HEATR5A: variants seen among roughly 807,000 people sequenced by gnomAD.
HEATR5A encodes HEAT repeat containing 5A, also known as HEAT repeat-containing protein 5A.
In HEATR5A, 178 loss-of-function variants were observed where a neutral mutation model predicts 218.8. That is an observed-to-expected ratio of 0.81 (90% CI 0.72 to 0.92). HEATR5A has a LOEUF of 0.92. HEATR5A is among the 40% of genes least tolerant of loss of function. The pLI, the probability that HEATR5A is intolerant of heterozygous loss-of-function variation, is 0.00. For synonymous variants in HEATR5A, 864 were observed against 871.6 expected (o/e 0.99, Z 0.15); for missense variants, 2,420 against 2,418.9 (o/e 1.00, Z -0.01).
Position 31,306,742 on chromosome 14 carries a change from T to TC in HEATR5A, c.4955dup (p.Ser1653LysfsTer5), listed in dbSNP as rs1221986967. The TC allele has an allele frequency of 3.7e-6, 6 of 1,609,702 alleles. No individual in the cohort carries two copies. Among genetic ancestry groups the TC allele is most frequent in the Non-Finnish European group, 4.2e-6 (5 of 1,177,652 alleles). On this transcript the variant is annotated frameshift_variant, in exon 31 of 36. Coordinates refer to ENST00000543095, the MANE Select transcript of HEATR5A (RefSeq NM_015473.4). LOFTEE classifies it high-confidence loss of function. ...AAGGTTAACATTTACCTTCTGCACTTCGTCTTTTTTCCTTCACATGTTCTT... is the reference window on the plus strand; with the variant it reads ...AAGGTTAACATTTACCTTCTGCACTTCCGTCTTTTTTCCTTCACATGTTCTT...
intron 25 of HEATR5A, among the ~76,000 whole-genome samples, chr14:31,318,548 T>C (rs1230465864): frequency 6.6e-6 from 1 of 152,172 alleles, no homozygotes; most frequent in African/African-American, 2.4e-5. Flanking sequence ...TGGAGTGCAG[T>C]GGCGCAATCT....
chr14:31,344,630 T>C (rs1236053493), intron 20 of HEATR5A, among the ~76,000 whole-genome samples: 1 of 151,206 alleles, frequency 6.6e-6, no homozygotes, highest in East Asian at 1.9e-4. Context: ...CACAAATTAT[T>C]AGGCAAAGAA....
At chr14:31,385,561 G>A (rs77661744) in intron 9 of HEATR5A, among the ~76,000 whole-genome samples, 3,479 of 152,148 alleles carry the variant, frequency 0.023, 125 homozygotes, top group African/African-American at 0.079. Flanking sequence ...ATTCATGGTC[G>A]TCAGGGGCTG....
At chr14:31,356,567 C>G (rs956858197) in intron 16 of HEATR5A, among the ~76,000 whole-genome samples, 1 of 152,102 alleles carries the variant, frequency 6.6e-6, no homozygotes, top group Admixed American at 6.6e-5. Context: ...AGTTAGAATC[C>G]TGTTTGTTCC....
intron 18 of HEATR5A, 131 bp downstream of exon 18, chr14:31,349,658 A>G: frequency 3.2e-6 from 2 of 630,194 alleles, no homozygotes; most frequent in Non-Finnish European, 5.4e-6. Flanking sequence ...TTCCTTTAGC[A>G]GTCAACATTT....
At chr14:31,382,117 A>C (rs2030015319) in intron 10 of HEATR5A, among the ~76,000 whole-genome samples, 1 of 152,268 alleles carries the variant, frequency 6.6e-6, no homozygotes, top group Non-Finnish European at 1.5e-5. Context: ...TCTCTCGGAA[A>C]GAAATTCCAA....
chr14:31,354,282 TG>T lies in HEATR5A; in HGVS notation c.2412-3566del, dbSNP rs201564049. Among the ~76,000 whole-genome samples, 55 of 152,282 alleles carry T rather than the reference TG, an allele frequency of 3.6e-4. 1 individual carries two copies. In the East Asian group the frequency reaches 0.01, roughly 28 times the overall value. On this transcript the variant is annotated intron_variant, in intron 16 of 35. Transcript: ENST00000543095. ...CTGTTATCATGAAATTGTATCGCAC[TG>T]GAAGTTATAAAAATACGTAAGGTTA...
At chr14:31,412,855 C>T (rs549797417) in intron 1 of HEATR5A, among the ~76,000 whole-genome samples, 3 of 152,120 alleles carry the variant, frequency 2.0e-5, no homozygotes, top group Non-Finnish European at 4.4e-5. Context: ...GCCTGGGCAA[C>T]AAGAGCCAAA....
In HEATR5A at chr14:31,394,219, A is replaced by G. The variant is rs1412159717; in HGVS notation, c.605T>C (p.Leu202Pro). The G allele has an allele frequency of 6.7e-7, 1 of 1,483,544 alleles. No homozygotes were observed. Among genetic ancestry groups the G allele is most frequent in the Admixed American group, 2.5e-5 (1 of 40,462 alleles). 91.9% of individuals were successfully genotyped at this position (1,483,544 alleles called of 1,614,324 possible). A position where few individuals can be genotyped will look rare whatever the true frequency, so the allele number is the denominator to read the frequency against. Reference protein sequence around the residue: ...AVRCAAAKCLLELQNEAIFMW... With the variant: ...AVRCAAAKCLPELQNEAIFMW... Reference sequence around the variant, plus strand: ...AAAGATGGCTTCATTCTGAAGTTCAAGGAGACACTATTCAATTGGACAAAG... The same window carrying G: ...AAAGATGGCTTCATTCTGAAGTTCAGGGAGACACTATTCAATTGGACAAAG... Residue 202 changes from leucine (L) to proline (P), a missense_variant, in exon 6 of 36, where the codon CTT becomes CCT. Leu to Pro is a moderately conservative substitution (Grantham distance 98). Transcript: ENST00000543095.
At chr14:31,403,841 T>C (rs1408972316) in intron 1 of HEATR5A, among the ~76,000 whole-genome samples, 1 of 152,196 alleles carries the variant, frequency 6.6e-6, no homozygotes, top group Non-Finnish European at 1.5e-5. Context: ...ACGCAGCATA[T>C]AAGTGTATGT....
intron 13 of HEATR5A, among the ~76,000 whole-genome samples, chr14:31,368,216 A>C (rs572900352): frequency 2.6e-5 from 4 of 152,142 alleles, no homozygotes; most frequent in Non-Finnish European, 5.9e-5. Flanking sequence ...AAGAAGGCAC[A>C]GAGTTCCTCC....
chr14:31,300,071 A>T (rs1326974563), intron 33 of HEATR5A, among the ~76,000 whole-genome samples: 8 of 152,006 alleles, frequency 5.3e-5, no homozygotes, highest in Non-Finnish European at 8.8e-5. Flanking sequence ...ATTATTCCAC[A>T]TGCCTATTAA....
intron 1 of HEATR5A, among the ~76,000 whole-genome samples, chr14:31,416,252 G>A (rs1387441002): frequency 6.6e-6 from 1 of 152,260 alleles, no homozygotes; most frequent in East Asian, 1.9e-4. Context: ...GAGTAGCTGG[G>A]ATTACAGGCA....
rs768495248 is a variant in HEATR5A at position 31,321,547 on chromosome 14, T to TG, written c.3920dup (p.Glu1308ArgfsTer22). The stretch of plus-strand genomic sequence containing the variant: ...TCACATGACCTGGAAACTCTGGTTC[T>TG]GGAACAGTTGCAAATCGCCGAATAA... On this transcript the variant is annotated frameshift_variant, in exon 25 of 36. Transcript: ENST00000543095. LOFTEE classifies it high-confidence loss of function. 25 of 1,605,406 alleles carry TG rather than the reference T, an allele frequency of 1.6e-5. No individual in the cohort carries two copies. The East Asian group carries it at 5.6e-4, about 36-fold the overall frequency.
intron 16 of HEATR5A, among the ~76,000 whole-genome samples, chr14:31,355,399 C>G (rs970394805): frequency 6.6e-6 from 1 of 150,788 alleles, no homozygotes; most frequent in African/African-American, 2.4e-5. Context: ...GTTGACAGAG[C>G]AAAACTCTGT....
chr14:31,370,425 C>T (rs528026686), intron 13 of HEATR5A, among the ~76,000 whole-genome samples: 1 of 152,026 alleles, frequency 6.6e-6, no homozygotes, highest in Non-Finnish European at 1.5e-5. Context: ...CCATTTTTTA[C>T]CTATTGGATG....
Position 31,403,069 on chromosome 14 carries a change from T to G in HEATR5A, c.-74-20A>C. 1 of 1,187,868 alleles carries G rather than the reference T, an allele frequency of 8.4e-7. No homozygotes were observed. The allele number at this position is 1,187,868 out of a possible 1,614,324, so 73.6% of individuals were successfully genotyped here. ...AAAAATCTGCAATACAGGAAAATAATGTATTTTAAAAGGGGGGTAAAAAGG... is the reference window on the plus strand; with the variant it reads ...AAAAATCTGCAATACAGGAAAATAAGGTATTTTAAAAGGGGGGTAAAAAGG... On this transcript the variant is annotated intron_variant, in intron 1 of 35. Coordinates refer to ENST00000543095, the MANE Select transcript of HEATR5A (RefSeq NM_015473.4).
chr14:31,292,544 A>AAT lies in HEATR5A; in HGVS notation c.*759_*760dup. On this transcript the variant is annotated 3_prime_UTR_variant, in exon 36 of 36. Transcript: ENST00000543095. ...TCCAATCATTTTATCTTCTTGGAGA[A>AAT]ATCAGAGAAAGTTTAATACAATTAC... is the stretch of plus-strand genomic sequence containing the variant. The AAT allele has an allele frequency of 6.6e-6, 1 of 152,334 alleles. No homozygotes were observed. Among genetic ancestry groups the AAT allele is most frequent in the Middle Eastern group, 3.4e-3 (1 of 294 alleles). The allele number at this position is 152,334 out of a possible 1,614,324, so 9.4% of individuals were successfully genotyped here. A position where few individuals can be genotyped will look rare whatever the true frequency, so the allele number is the denominator to read the frequency against.
chr14:31,334,272 C>A, intron 22 of HEATR5A: 1 of 375,516 alleles, frequency 2.7e-6, no homozygotes, highest in Middle Eastern at 3.9e-4. Context: ...AACACAATAT[C>A]CATTCGCAGA....
Sources: allele counts gnomAD v4.1 joint callset (sites outside exome capture counted in the v4.1 genomes callset), GRCh38; gene constraint gnomAD v4.1.1; transcripts MANE v1.5; gene names NCBI Gene and HGNC (gene_info 2026-07-23, HGNC 2026-07-21).